Variants in LRRC3B observed in about 807,000 individuals in gnomAD.
LRRC3B encodes leucine rich repeat containing 3B.
A neutral mutation model predicts 12.8 loss-of-function variants in LRRC3B; 2 were observed. That is an observed-to-expected ratio of 0.16 (90% confidence interval 0.06 to 0.49). The LOEUF is 0.49. Ranked by LOEUF, LRRC3B falls within the 20% of genes least tolerant of loss-of-function variation. LRRC3B has a pLI of 0.96. For missense variants in LRRC3B, 189 were observed against 319.4 expected (o/e 0.59, Z 3.11); for synonymous variants, 132 against 122.0 (o/e 1.08, Z -0.54).
intron 1 of LRRC3B, among the ~76,000 whole-genome samples, chr3:26,705,553 C>T (rs1463809682): frequency 2.0e-5 from 3 of 151,930 alleles, no homozygotes; most frequent in Non-Finnish European, 2.9e-5. Flanking sequence ...CAGTGTGACC[C>T]CAGGCCCTTC....
chr3:26,675,021 T>A (rs2125436135), intron 1 of LRRC3B, among the ~76,000 whole-genome samples: 1 of 152,326 alleles, frequency 6.6e-6, no homozygotes, highest in South Asian at 2.1e-4. Context: ...CCCTGGGGTA[T>A]CACAGGCAGA....
At chr3:26,654,013 C>G (rs1699320147) in intron 1 of LRRC3B, among the ~76,000 whole-genome samples, 1 of 151,968 alleles carries the variant, frequency 6.6e-6, no homozygotes, top group Non-Finnish European at 1.5e-5. Context: ...TGATACATTT[C>G]CTAGATGGGG....
chr3:26,659,565 GATA>G (rs1699450967), intron 1 of LRRC3B, among the ~76,000 whole-genome samples: 1 of 152,164 alleles, frequency 6.6e-6, no homozygotes, highest in African/African-American at 2.4e-5. Context: ...TTACCATGGA[GATA>G]ATTTGAATAG....
At chr3:26,685,082 T>C (rs1700046555) in intron 1 of LRRC3B, among the ~76,000 whole-genome samples, 1 of 152,176 alleles carries the variant, frequency 6.6e-6, no homozygotes, top group Non-Finnish European at 1.5e-5. Flanking sequence ...GCCTCCTGCG[T>C]AGCTGGGATT....
At chr3:26,673,535 A>G (rs1699795870) in intron 1 of LRRC3B, among the ~76,000 whole-genome samples, 1 of 152,232 alleles carries the variant, frequency 6.6e-6, no homozygotes, top group Non-Finnish European at 1.5e-5. Context: ...GTGGACACAA[A>G]TACTTTCTGG....
intron 1 of LRRC3B, among the ~76,000 whole-genome samples, chr3:26,663,447 A>G (rs1699536251): frequency 6.6e-6 from 1 of 152,192 alleles, no homozygotes; most frequent in South Asian, 2.1e-4. Flanking sequence ...GAAAAATTCT[A>G]TAAACTCTCC....
exon 2 of LRRC3B, chr3:26,709,552 G>A: frequency 2.1e-6 from 2 of 936,246 alleles, no homozygotes; most frequent in South Asian, 1.6e-5. Flanking sequence ...AGACACATGT[G>A]TTAGCTGCAG....
In LRRC3B at chr3:26,680,684, C is replaced by T. The variant is rs556347828; in HGVS notation, c.-160-28829C>T. ...TCACACAGAATATCATAAGCCTGTG[C>T]ATAAAATATGCCAAGATTATTTGGC... is the stretch of plus-strand genomic sequence containing the variant. On this transcript the variant is annotated intron_variant, in intron 1 of 1. Transcript: ENST00000396641. Among the ~76,000 whole-genome samples, 16 of 152,242 alleles carry T rather than the reference C, an allele frequency of 1.1e-4. No homozygotes were observed. In the South Asian group the frequency reaches 2.9e-3, roughly 28 times the overall value.
At chr3:26,708,325 A>G (rs1700655729) in intron 1 of LRRC3B, among the ~76,000 whole-genome samples, 1 of 152,192 alleles carries the variant, frequency 6.6e-6, no homozygotes, top group Non-Finnish European at 1.5e-5. Context: ...TTCATAGCAT[A>G]AAAGATAGGG....
intron 1 of LRRC3B, among the ~76,000 whole-genome samples, chr3:26,696,211 A>G (rs1700313143): frequency 6.6e-6 from 1 of 152,204 alleles, no homozygotes; most frequent in South Asian, 2.1e-4. Context: ...AGAAACACAA[A>G]ATTGTTACCT....
intron 1 of LRRC3B, among the ~76,000 whole-genome samples, chr3:26,629,100 C>A (rs559038022): frequency 1.3e-5 from 2 of 152,032 alleles, no homozygotes; most frequent in Admixed American, 6.6e-5. Context: ...TATTCTCAAC[C>A]ATGGAGTAAT....
intron 1 of LRRC3B, among the ~76,000 whole-genome samples, chr3:26,629,520 G>A (rs1006390015): frequency 1.3e-5 from 2 of 152,120 alleles, no homozygotes; most frequent in African/African-American, 2.4e-5. Flanking sequence ...CCCTGTTAGC[G>A]GTGACTAAGC....
chr3:26,655,959 CTAATAAATGATAG>C (rs886434717), intron 1 of LRRC3B, among the ~76,000 whole-genome samples: 1 of 152,148 alleles, frequency 6.6e-6, no homozygotes, highest in African/African-American at 2.4e-5. Context: ...AATGGTCATA[CTAATAAATGATAG>C]TGCCGGACTT....
At chr3:26,627,123 G>T (rs1698645444) in intron 1 of LRRC3B, among the ~76,000 whole-genome samples, 1 of 152,108 alleles carries the variant, frequency 6.6e-6, no homozygotes, top group Non-Finnish European at 1.5e-5. Flanking sequence ...TCGCCTACCT[G>T]GCCCCTTCAA....
intron 1 of LRRC3B, among the ~76,000 whole-genome samples, chr3:26,656,628 G>A (rs1023284922): frequency 1.3e-5 from 2 of 152,170 alleles, no homozygotes; most frequent in African/African-American, 4.8e-5. Context: ...GTCAAGCCAG[G>A]TATCCAAGAA....
At chr3:26,659,961 AT>A (rs35045963) in intron 1 of LRRC3B, among the ~76,000 whole-genome samples, 3 of 152,084 alleles carry the variant, frequency 2.0e-5, no homozygotes, top group African/African-American at 7.2e-5. Flanking sequence ...GTAGCCCATA[AT>A]TTTTCTTGTT....
At chr3:26,627,043 A>G (rs1487551772) in intron 1 of LRRC3B, among the ~76,000 whole-genome samples, 1 of 152,200 alleles carries the variant, frequency 6.6e-6, no homozygotes, top group Non-Finnish European at 1.5e-5. Context: ...AAAACAATAT[A>G]TTTCTGTACT....
rs1401139557 is a variant in LRRC3B at position 26,668,824 on chromosome 3, G to C, written c.-160-40689G>C. On this transcript the variant is annotated intron_variant, in intron 1 of 1. Coordinates refer to ENST00000396641, the Ensembl canonical transcript of LRRC3B. ...CTCTGGCTCCTTTTCAATGCATATA[G>C]ACTGCAAATTTTGCTGAATATCATG... 2.0e-5 allele frequency among the ~76,000 whole-genome samples: 3 copies of C among 152,128 alleles called. No homozygotes were observed. The East Asian group carries it at 5.8e-4, about 29-fold the overall frequency.
rs140790338 is a variant in LRRC3B, at chr3:26,668,076, G to A, written c.-160-41437G>A. 2.7e-3 allele frequency among the ~76,000 whole-genome samples: 409 copies of A among 152,080 alleles called. 3 individuals carry two copies. Among genetic ancestry groups the A allele is most frequent in the Non-Finnish European group, 4.6e-3 (310 of 67,996 alleles). On this transcript the variant is annotated intron_variant, in intron 1 of 1. Transcript: ENST00000396641. Reference sequence around the variant, plus strand: ...AGAGTACATGATGGGGCATTTCTGGGTTGCAGTTAGATATTATTATAAAAA... The same window carrying A: ...AGAGTACATGATGGGGCATTTCTGGATTGCAGTTAGATATTATTATAAAAA...
Sources: allele counts gnomAD v4.1 joint callset (sites outside exome capture counted in the v4.1 genomes callset), GRCh38; gene constraint gnomAD v4.1.1; transcripts MANE v1.5; gene names NCBI Gene and HGNC (gene_info 2026-07-23, HGNC 2026-07-21).